Variants in PKNOX2 observed in about 807,000 individuals in gnomAD.
PKNOX2 encodes the protein PBX/knotted 1 homeobox 2, also known as homeobox protein PKNOX2.
In PKNOX2, 14 loss-of-function variants were observed where a neutral mutation model predicts 53.1. The observed-to-expected ratio is 0.26, with a 90% CI of 0.17 to 0.41. The LOEUF (loss-of-function observed/expected upper bound fraction) is 0.41. PKNOX2 is among the 10% of genes least tolerant of loss of function. PKNOX2 has a pLI of 1.00. For missense variants in PKNOX2, 496 were observed against 602.8 expected, an observed-to-expected ratio of 0.82 and a Z score of 1.85; for synonymous variants, 257 against 242.8, an observed-to-expected ratio of 1.06 and a Z score of -0.54.
intron 7 of PKNOX2, among the ~76,000 whole-genome samples, chr11:125,402,096 G>A (rs949748772): frequency 6.6e-6 from 1 of 152,144 alleles, no homozygotes; most frequent in South Asian, 2.1e-4. Context: ...GCGTTTTCCT[G>A]CTCGGCCTTC....
chr11:125,272,572 C>T (rs1215453446), intron 2 of PKNOX2, among the ~76,000 whole-genome samples: 1 of 152,152 alleles, frequency 6.6e-6, no homozygotes, highest in African/African-American at 2.4e-5. Context: ...CTCCCCTTCT[C>T]CCTCTGTAAC....
At chr11:125,189,447 G>GTGTGTATATATA (rs1256963392) in intron 1 of PKNOX2, among the ~76,000 whole-genome samples, 2 of 23,462 alleles carry the variant, frequency 8.5e-5, no homozygotes, top group African/African-American at 3.1e-4. Context: ...GTGTGTGTGT[G>GTGTGTATATATA]TATATATATA....
At chr11:125,264,038 G>A (rs1945103795) in intron 2 of PKNOX2, among the ~76,000 whole-genome samples, 1 of 152,112 alleles carries the variant, frequency 6.6e-6, no homozygotes, top group South Asian at 2.1e-4. Context: ...ACATTTAGAG[G>A]GTGGGAGAGG....
At chr11:125,372,357 G>A (rs1433094418) in intron 5 of PKNOX2, among the ~76,000 whole-genome samples, 1 of 150,266 alleles carries the variant, frequency 6.7e-6, no homozygotes, top group Non-Finnish European at 1.5e-5. Flanking sequence ...CCAGGTTCCA[G>A]GCGCACAGTC....
intron 2 of PKNOX2, among the ~76,000 whole-genome samples, chr11:125,284,245 C>T (rs896486266): frequency 5.9e-5 from 9 of 152,196 alleles, no homozygotes; most frequent in South Asian, 2.1e-4. Context: ...CTAGTCTCTG[C>T]GGCAAGTACT....
At chr11:125,357,636 G>A (rs114086032) in intron 4 of PKNOX2, among the ~76,000 whole-genome samples, 153 of 152,250 alleles carry the variant, frequency 1.0e-3, no homozygotes, top group African/African-American at 3.5e-3. Context: ...CCTTTCGCAC[G>A]CCGTTGGTCT....
At chr11:125,408,752 C>T (rs1330433310) in intron 7 of PKNOX2, among the ~76,000 whole-genome samples, 1 of 152,086 alleles carries the variant, frequency 6.6e-6, no homozygotes, top group African/African-American at 2.4e-5. Flanking sequence ...CATGGCTGTC[C>T]CCCGGGCTGT....
chr11:125,289,323 C>T (rs980122217), intron 2 of PKNOX2, among the ~76,000 whole-genome samples: 1 of 152,218 alleles, frequency 6.6e-6, no homozygotes, highest in Non-Finnish European at 1.5e-5. Context: ...CCACCTCCAC[C>T]AGTGATCCAG....
intron 2 of PKNOX2, among the ~76,000 whole-genome samples, chr11:125,279,587 G>T (rs1946414459): frequency 6.6e-6 from 1 of 152,144 alleles, no homozygotes. Flanking sequence ...GCATCTGAGG[G>T]GCATCTGGTG....
chr11:125,407,747 C>CAA (rs759942207), intron 7 of PKNOX2, among the ~76,000 whole-genome samples: 1 of 114,856 alleles, frequency 8.7e-6, no homozygotes, highest in Non-Finnish European at 2.1e-5. Flanking sequence ...TCTCAAAAAA[C>CAA]AAACAAAAAA....
At chr11:125,278,511 C>T (rs938147651) in intron 2 of PKNOX2, among the ~76,000 whole-genome samples, 2 of 152,114 alleles carry the variant, frequency 1.3e-5, no homozygotes, top group African/African-American at 4.8e-5. Flanking sequence ...ATGGCTCAGG[C>T]GAATGGGAAG....
intron 1 of PKNOX2, among the ~76,000 whole-genome samples, chr11:125,228,175 C>A (rs909287066): frequency 6.6e-6 from 1 of 152,218 alleles, no homozygotes; most frequent in Non-Finnish European, 1.5e-5. Flanking sequence ...ATGACAGAAA[C>A]GTGCTCCATC....
At chr11:125,164,979 G>A (rs1201028171) in intron 1 of PKNOX2, among the ~76,000 whole-genome samples, 1 of 151,980 alleles carries the variant, frequency 6.6e-6, no homozygotes, top group Admixed American at 6.5e-5. Context: ...GAGGCAGCAG[G>A]GAGGAGGGAG....
chr11:125,367,712 T>G, intron 4 of PKNOX2, 134 bp from the exon 5 acceptor site: 1 of 902,374 alleles, frequency 1.1e-6, no homozygotes, highest in Non-Finnish European at 1.6e-6. Context: ...GGATGCTCAT[T>G]GTGTGCTCAC....
chr11:125,324,566 G>A (rs1447207865), intron 2 of PKNOX2, among the ~76,000 whole-genome samples: 1 of 152,168 alleles, frequency 6.6e-6, no homozygotes, highest in Non-Finnish European at 1.5e-5. Context: ...ATCACAATGT[G>A]GCTGGCTAAG....
Position 125,295,615 on chromosome 11 carries a change from G to A in PKNOX2, c.-129-36204G>A, listed in dbSNP as rs570786597. Among the ~76,000 whole-genome samples, 3 of 152,324 alleles carry A rather than the reference G, an allele frequency of 2.0e-5. No homozygotes were observed. In the South Asian group the frequency reaches 6.2e-4, roughly 32 times the overall value. On this transcript the variant is annotated intron_variant, in intron 2 of 12. Coordinates refer to ENST00000298282, the MANE Select transcript of PKNOX2 (RefSeq NM_001382323.2). ...GGAGGGAAGCAGCAAGGAAGCTTGG[G>A]GGTGTCACCAGAATAGGGTAGACCC...
At chr11:125,308,886 T>A (rs1199059069) in intron 2 of PKNOX2, among the ~76,000 whole-genome samples, 1 of 152,194 alleles carries the variant, frequency 6.6e-6, no homozygotes, top group African/African-American at 2.4e-5. Context: ...CCAACCATCT[T>A]CTGCATGGTA....
Position 125,313,215 on chromosome 11 carries a change from AGT to A in PKNOX2, c.-129-18602_-129-18601del, listed in dbSNP as rs1329600280. The stretch of plus-strand genomic sequence containing the variant: ...TTGTTTCTTGAATGTCTGCAATGGC[AGT>A]GCCCCTCATCCAAACTGAGGAACAT... On this transcript the variant is annotated intron_variant, in intron 2 of 12. Transcript: ENST00000298282. 5.4e-4 allele frequency among the ~76,000 whole-genome samples: 83 copies of A among 152,322 alleles called. 1 individual carries two copies. The highest frequency in any genetic ancestry group is 1.6e-3 in the African/African-American group (66 of 41,580).
intron 1 of PKNOX2, among the ~76,000 whole-genome samples, chr11:125,228,816 C>G (rs887385717): frequency 6.6e-6 from 1 of 152,160 alleles, no homozygotes; most frequent in African/African-American, 2.4e-5. Flanking sequence ...ATGGCCATTA[C>G]CCTTTTTTGC....
Sources: allele counts gnomAD v4.1 joint callset (sites outside exome capture counted in the v4.1 genomes callset), GRCh38; gene constraint gnomAD v4.1.1; transcripts MANE v1.5; gene names NCBI Gene and HGNC (gene_info 2026-07-23, HGNC 2026-07-21).